The following ADK variants were observed in gnomAD, a reference collection of about 807,000 sequenced individuals.
ADK encodes the protein N6,N6-dimethyladenosine kinase.
A neutral mutation model predicts 44.7 loss-of-function variants in ADK; 24 were observed. The ratio of observed to expected loss-of-function variants is 0.54; its 90% confidence interval spans 0.39 to 0.76. The LOEUF is 0.76. Ranked by LOEUF, ADK falls within the 30% of genes least tolerant of loss-of-function variation. The pLI, the probability that ADK is intolerant of heterozygous loss-of-function variation, is 0.00. For missense variants in ADK, 321 were observed against 425.1 expected (o/e 0.76, Z 2.15); for synonymous variants, 128 against 142.6 (o/e 0.90, Z 0.73).
chr10:74,414,818 T>G (rs977128263), intron 6 of ADK, among the ~76,000 whole-genome samples: 1 of 152,186 alleles, frequency 6.6e-6, no homozygotes, highest in Non-Finnish European at 1.5e-5. Flanking sequence ...TAATACCAGT[T>G]TTTTTTGAGT....
chr10:74,396,181 T>TGATCC (rs1395807910), intron 5 of ADK, among the ~76,000 whole-genome samples: 5 of 152,192 alleles, frequency 3.3e-5, no homozygotes, highest in African/African-American at 1.2e-4. Flanking sequence ...TTCTGGAAGC[T>TGATCC]AATACAGTTG....
At chr10:74,654,641 G>A (rs1219368932) in intron 9 of ADK, among the ~76,000 whole-genome samples, 5 of 152,126 alleles carry the variant, frequency 3.3e-5, no homozygotes, top group Admixed American at 6.5e-5. Context: ...GGAAACCCCC[G>A]TCTCTACTAA....
chr10:74,629,670 C>T (rs1446530754), intron 9 of ADK, among the ~76,000 whole-genome samples: 3 of 152,108 alleles, frequency 2.0e-5, no homozygotes, highest in African/African-American at 7.2e-5. Flanking sequence ...AAATTTTTAT[C>T]AATTTACAGT....
chr10:74,192,049 G>A (rs1043544384), intron 1 of ADK, among the ~76,000 whole-genome samples: 1 of 152,054 alleles, frequency 6.6e-6, no homozygotes, highest in East Asian at 1.9e-4. Context: ...CCGTAGATAC[G>A]GCTTTTTTCT....
chr10:74,665,284 T>C (rs928892289), intron 9 of ADK, among the ~76,000 whole-genome samples: 5 of 152,230 alleles, frequency 3.3e-5, no homozygotes, highest in Non-Finnish European at 2.9e-5. Context: ...GATATTACCT[T>C]ATTATAAGCA....
intron 1 of ADK, chr10:74,176,404 C>T: frequency 1.0e-6 from 1 of 983,628 alleles, no homozygotes; most frequent in Non-Finnish European, 1.2e-6. Context: ...CCTGACAGCG[C>T]CTCTTTCCTA....
In ADK at chr10:74,369,316, G is replaced by A. The variant is rs116181030; in HGVS notation, c.274-24825G>A. ...GGCTGCAATGAGCCATGATTGTGCC[G>A]CTGTGCTCCAGCCTCAGAGACAGAG... On this transcript the variant is annotated intron_variant, in intron 4 of 10. Coordinates refer to ENST00000539909, the MANE Select transcript of ADK (RefSeq NM_006721.4). Among the ~76,000 whole-genome samples the A allele has an allele frequency of 3.4e-3, 512 of 152,264 alleles. 4 individuals are homozygous for A. Among genetic ancestry groups the A allele is most frequent in the African/African-American group, 0.012 (480 of 41,550 alleles).
chr10:74,185,842 G>GA (rs71021593), intron 1 of ADK, among the ~76,000 whole-genome samples: 1,561 of 65,784 alleles, frequency 0.024, 16 homozygotes, highest in Middle Eastern at 0.026. Context: ...GTCTCAAAAA[G>GA]AAAAAAAAAA....
At chr10:74,342,274 T>C (rs1462532258) in intron 4 of ADK, among the ~76,000 whole-genome samples, 1 of 152,212 alleles carries the variant, frequency 6.6e-6, no homozygotes, top group Non-Finnish European at 1.5e-5. Flanking sequence ...GAATGTGGGA[T>C]GTTTTTCCAT....
intron 3 of ADK, among the ~76,000 whole-genome samples, chr10:74,314,382 C>A (rs1156927863): frequency 1.3e-5 from 2 of 152,034 alleles, no homozygotes; most frequent in Non-Finnish European, 2.9e-5. Flanking sequence ...CTCCATTTGG[C>A]AATCTATTAA....
intron 4 of ADK, among the ~76,000 whole-genome samples, chr10:74,358,399 A>C (rs1277196253): frequency 6.6e-6 from 1 of 152,200 alleles, no homozygotes; most frequent in African/African-American, 2.4e-5. Flanking sequence ...GTCTAATACA[A>C]AATAACTGTG....
chr10:74,186,565 A>C (rs1377784299), intron 1 of ADK, among the ~76,000 whole-genome samples: 5 of 151,840 alleles, frequency 3.3e-5, no homozygotes, highest in African/African-American at 1.2e-4. Flanking sequence ...CGGCCTTCCA[A>C]AGTGCTGGGA....
At chr10:74,427,948 G>T (rs969914829) in intron 6 of ADK, among the ~76,000 whole-genome samples, 2 of 152,200 alleles carry the variant, frequency 1.3e-5, no homozygotes, top group Non-Finnish European at 2.9e-5. Flanking sequence ...GAAGGTGTTT[G>T]TGGGGTTGGT....
chr10:74,654,799 A>G (rs1589338520), intron 9 of ADK, among the ~76,000 whole-genome samples: 1 of 150,180 alleles, frequency 6.7e-6, no homozygotes, highest in Admixed American at 6.7e-5. Flanking sequence ...CTGGGTGACA[A>G]GAGTGAGACC....
At chr10:74,472,144 A>G (rs575715528) in intron 6 of ADK, among the ~76,000 whole-genome samples, 12 of 152,254 alleles carry the variant, frequency 7.9e-5, no homozygotes, top group African/African-American at 2.9e-4. Context: ...TCAAGGTTAC[A>G]GTGAGCTGTG....
rs1178350759 is a variant in ADK, at chr10:74,383,982, A to G, written c.274-10159A>G. Among the ~76,000 whole-genome samples the G allele has an allele frequency of 4.6e-5, 7 of 152,168 alleles. No individual in the cohort carries two copies. The East Asian group carries it at 9.6e-4, about 21-fold the overall frequency. On this transcript the variant is annotated intron_variant, in intron 4 of 10. Coordinates refer to ENST00000539909, the MANE Select transcript of ADK (RefSeq NM_006721.4). The stretch of plus-strand genomic sequence containing the variant: ...TTGGGGGTAGTGTGTCCTGATCTCC[A>G]TCATAGTTAAGTGTCAGCTTGGACA...
intron 10 of ADK, among the ~76,000 whole-genome samples, chr10:74,674,115 G>A (rs1457637574): frequency 6.6e-6 from 1 of 152,104 alleles, no homozygotes; most frequent in Non-Finnish European, 1.5e-5. Context: ...TTGGGCCATG[G>A]TATTAGGCTT....
intron 6 of ADK, among the ~76,000 whole-genome samples, chr10:74,442,028 C>T (rs567007648): frequency 1.6e-4 from 25 of 151,994 alleles, no homozygotes; most frequent in African/African-American, 6.0e-4. Context: ...TGGTGCGTAC[C>T]TATAGTGCCA....
At chr10:74,420,866 T>C (rs2133023914) in intron 6 of ADK, among the ~76,000 whole-genome samples, 1 of 152,232 alleles carries the variant, frequency 6.6e-6, no homozygotes. Flanking sequence ...TTATTTCAGG[T>C]ATTGAAATTA....
Sources: allele counts gnomAD v4.1 joint callset (sites outside exome capture counted in the v4.1 genomes callset), GRCh38; gene constraint gnomAD v4.1.1; transcripts MANE v1.5; gene names NCBI Gene and HGNC (gene_info 2026-07-23, HGNC 2026-07-21).